The following PAK3 variants were observed in gnomAD, a reference collection of about 807,000 sequenced individuals.
PAK3 encodes the protein serine/threonine-protein kinase PAK 3.
In PAK3, 4 loss-of-function variants were observed where a neutral mutation model predicts 41.0. The observed-to-expected ratio is 0.10, with a 90% CI of 0.05 to 0.22. The LOEUF (loss-of-function observed/expected upper bound fraction) is 0.22, where lower values mean the gene tolerates loss of function less well. Among genes scored for constraint, PAK3 ranks in the 10% least tolerant of loss-of-function variants. The pLI, the probability that PAK3 is intolerant of heterozygous loss-of-function variation, is 1.00. For synonymous variants in PAK3, 146 were observed against 139.6 expected, an observed-to-expected ratio of 1.05 and a Z score of -0.32; for missense variants, 205 against 409.9, an observed-to-expected ratio of 0.50 and a Z score of 4.32.
chrX:111,000,082 G>A (rs1477640142), intron 1 of PAK3, among the ~76,000 whole-genome samples: 6 of 111,404 alleles, frequency 5.4e-5, no homozygotes, highest in Non-Finnish European at 9.4e-5. Flanking sequence ...GCCTATTATT[G>A]TTTTGCTTTT....
chrX:111,002,353 C>G (rs141044829), intron 1 of PAK3, among the ~76,000 whole-genome samples: 3 of 111,813 alleles, frequency 2.7e-5, no homozygotes, highest in Non-Finnish European at 5.6e-5. Flanking sequence ...GAGATTGGCT[C>G]TAGAATTCTG....
At chrX:111,134,642 G>A (rs1366111228) in intron 5 of PAK3, among the ~76,000 whole-genome samples, 4 of 111,568 alleles carry the variant, frequency 3.6e-5, no homozygotes, top group Admixed American at 9.5e-5. Flanking sequence ...AGTGTGATAA[G>A]TGTAATATGT....
intron 4 of PAK3, 103 bp from the exon 5 acceptor site, chrX:111,122,974 A>G (rs972784122): frequency 1.7e-6 from 1 of 581,283 alleles, no homozygotes; most frequent in Admixed American, 2.4e-5. Context: ...CTGAGAAAAC[A>G]TGAGAGCAAT....
intron 1 of PAK3, among the ~76,000 whole-genome samples, chrX:110,994,985 G>A (rs1401579284): frequency 2.7e-5 from 3 of 111,930 alleles, no homozygotes; most frequent in African/African-American, 9.8e-5. Flanking sequence ...AGCCTAAAAT[G>A]GGTATTAAAT....
At chrX:110,964,384 G>A (rs2091040667) in intron 1 of PAK3, among the ~76,000 whole-genome samples, 1 of 112,467 alleles carries the variant, frequency 8.9e-6, no homozygotes, top group African/African-American at 3.2e-5. Flanking sequence ...GACTCCATAG[G>A]TCTGGGGTGG....
intron 4 of PAK3, among the ~76,000 whole-genome samples, chrX:111,117,451 G>A (rs929691254): frequency 3.6e-5 from 4 of 111,370 alleles, no homozygotes; most frequent in Admixed American, 9.5e-5. Flanking sequence ...TTTCTTCTTC[G>A]CAATGTTGAT....
chrX:111,081,235 G>A (rs2092832371), intron 1 of PAK3, among the ~76,000 whole-genome samples: 2 of 111,734 alleles, frequency 1.8e-5, no homozygotes, highest in Admixed American at 1.9e-4. Context: ...GCTCATGCCT[G>A]TAATTCCAGC....
At chrX:111,104,566 C>T (rs1179349011) in intron 4 of PAK3, among the ~76,000 whole-genome samples, 1 of 111,002 alleles carries the variant, frequency 9.0e-6, no homozygotes, top group Non-Finnish European at 1.9e-5. Context: ...GGTAGGGGAT[C>T]CTCTTTAGGC....
chrX:111,162,193 A>C (rs1391574361), intron 8 of PAK3, among the ~76,000 whole-genome samples: 1 of 111,950 alleles, frequency 8.9e-6, no homozygotes, highest in African/African-American at 3.2e-5. Flanking sequence ...CTTTGGAACC[A>C]TTTTACCACT....
At chrX:110,959,080 T>C (rs765824579) in intron 1 of PAK3, among the ~76,000 whole-genome samples, 3 of 112,356 alleles carry the variant, frequency 2.7e-5, no homozygotes, top group Admixed American at 9.4e-5. Flanking sequence ...ACGTTTGCTC[T>C]GCAGAATACC....
intron 1 of PAK3, among the ~76,000 whole-genome samples, chrX:111,006,185 A>C (rs140919498): frequency 1.0e-3 from 114 of 112,319 alleles, no homozygotes; most frequent in African/African-American, 3.3e-3. Flanking sequence ...AGCTCCCCAG[A>C]TGGAAAACAA....
intron 1 of PAK3, among the ~76,000 whole-genome samples, chrX:110,979,082 A>T (rs771464035): frequency 9.0e-6 from 1 of 111,094 alleles, no homozygotes; most frequent in Non-Finnish European, 1.9e-5. Context: ...GATTAATTTC[A>T]TCTACATTGT....
chrX:111,037,077 C>T (rs986801250), intron 1 of PAK3, among the ~76,000 whole-genome samples: 3 of 110,869 alleles, frequency 2.7e-5, no homozygotes, highest in African/African-American at 6.6e-5. Context: ...CCCGAGCAGT[C>T]GGGATTACAG....
chrX:111,133,346 A>G (rs149461454), intron 5 of PAK3, among the ~76,000 whole-genome samples: 70 of 111,464 alleles, frequency 6.3e-4, no homozygotes, highest in Non-Finnish European at 1.0e-3. Flanking sequence ...CCCATTTCTC[A>G]AAACATACCT....
At position 110,963,008 on chromosome X, in the gene PAK3, G is replaced by A. The variant is rs148899453; in HGVS notation, c.-28+18380G>A. Among the ~76,000 whole-genome samples, 464 of 111,598 alleles carry A rather than the reference G, an allele frequency of 4.2e-3. 4 individuals are homozygous for A. Among genetic ancestry groups the A allele is most frequent in the African/African-American group, 0.015 (452 of 30,680 alleles). On this transcript the variant is annotated intron_variant, in intron 1 of 14. Coordinates refer to the PAK3 transcript ENST00000425146. ...TAAGGCCCTTTCTCTGTCTTTCAGG[G>A]CTGCTGGTGCCTGTTATACACATGA...
At position 111,125,566 on chromosome X, in the gene PAK3, G is replaced by A. The variant is rs187469538; in HGVS notation, c.175+2288G>A. Among the ~76,000 whole-genome samples, 4 of 111,540 alleles carry A rather than the reference G, an allele frequency of 3.6e-5. No individual in the cohort carries two copies. In the Admixed American group the frequency reaches 3.8e-4, roughly 11 times the overall value. The stretch of plus-strand genomic sequence containing the variant: ...CTCCCTAAGAAGGTAATTAAAATTG[G>A]CATCTTTACATGTGTCAGATATTAC... On this transcript the variant is annotated intron_variant, in intron 5 of 17. Transcript: ENST00000372007.
intron 4 of PAK3, among the ~76,000 whole-genome samples, chrX:111,119,389 G>A (rs1256686408): frequency 8.9e-6 from 1 of 111,842 alleles, no homozygotes; most frequent in Non-Finnish European, 1.9e-5. Context: ...CAATGCTAAG[G>A]GCCAGTCTCT....
chrX:111,037,663 T>C (rs182534885), intron 1 of PAK3, among the ~76,000 whole-genome samples: 1 of 111,654 alleles, frequency 9.0e-6, no homozygotes, highest in Admixed American at 9.5e-5. Flanking sequence ...ATGAAAAGTT[T>C]GTTGTAAAAT....
intron 1 of PAK3, among the ~76,000 whole-genome samples, chrX:111,078,276 T>G (rs749864219): frequency 1.4e-3 from 152 of 110,157 alleles, no homozygotes; most frequent in Non-Finnish European, 2.0e-3. Flanking sequence ...GTTTTGTTTT[T>G]TTTTTTTTAC....
Sources: gnomAD v4.1 joint callset for allele counts (sites outside exome capture counted in the v4.1 genomes callset) on GRCh38, gnomAD v4.1.1 for gene constraint, MANE v1.5 for transcripts, NCBI Gene and HGNC (gene_info 2026-07-23, HGNC 2026-07-21) for gene names.